C10orf67: variants seen among roughly 807,000 people sequenced by gnomAD.
The protein encoded by C10orf67 is chromosome 10 open reading frame 67.
Under a neutral mutation model 35.6 loss-of-function variants are expected in C10orf67, and 60 were observed. The observed-to-expected ratio is 1.68, with a 90% CI of 1.37 to 2.09. C10orf67 has a LOEUF of 2.09. C10orf67 is among the 30% of genes most tolerant of loss of function. C10orf67 has a pLI of 0.00. For missense variants in C10orf67, 474 were observed against 330.2 expected (o/e 1.44, Z -3.38); for synonymous variants, 167 against 115.8 (o/e 1.44, Z -2.84).
chr10:23,208,738 T>C (rs1841224936), intron 15 of C10orf67, among the ~76,000 whole-genome samples: 1 of 152,198 alleles, frequency 6.6e-6, no homozygotes, highest in Non-Finnish European at 1.5e-5. Flanking sequence ...GCCTTTGCAG[T>C]TCCCTCACAC....
chr10:23,322,271 C>T, intron 3 of C10orf67, 123 bp downstream of exon 3: 1 of 1,002,360 alleles, frequency 1.0e-6, no homozygotes, highest in South Asian at 1.7e-5. Flanking sequence ...TTAATTACCA[C>T]ATGAGACACA....
chr10:23,235,907 G>C (rs1170842338), intron 13 of C10orf67, among the ~76,000 whole-genome samples: 6 of 152,094 alleles, frequency 3.9e-5, no homozygotes, highest in African/African-American at 9.7e-5. Flanking sequence ...ACGAGGTCAG[G>C]AGTTCGAGAC....
chr10:23,329,375 G>A (rs1845340508), intron 2 of C10orf67, among the ~76,000 whole-genome samples: 1 of 152,034 alleles, frequency 6.6e-6, no homozygotes, highest in Non-Finnish European at 1.5e-5. Flanking sequence ...AAGTGACCCA[G>A]AATATTTAAG....
chr10:23,256,608 C>A (rs1473415789), intron 10 of C10orf67, among the ~76,000 whole-genome samples: 1 of 151,586 alleles, frequency 6.6e-6, no homozygotes, highest in African/African-American at 2.4e-5. Flanking sequence ...TTCTGAAGAT[C>A]AAATGTTGGT....
chr10:23,283,835 AC>A (rs1342301028), intron 7 of C10orf67, among the ~76,000 whole-genome samples: 2 of 151,784 alleles, frequency 1.3e-5, no homozygotes, highest in African/African-American at 2.4e-5. Flanking sequence ...TGTGCCGCAC[AC>A]CAAACTCTGC....
chr10:23,209,323 T>G (rs1388356348), intron 15 of C10orf67, among the ~76,000 whole-genome samples: 2 of 151,898 alleles, frequency 1.3e-5, no homozygotes, highest in Non-Finnish European at 2.9e-5. Context: ...CAGGAGAGCC[T>G]GAGAAGGGTG....
At chr10:23,337,260 G>A (rs899380626) in intron 1 of C10orf67, among the ~76,000 whole-genome samples, 3 of 152,220 alleles carry the variant, frequency 2.0e-5, no homozygotes, top group Non-Finnish European at 4.4e-5. Context: ...CAGGCTGGGT[G>A]CAGTGGCTCA....
At chr10:23,233,799 T>C (rs1262059375) in intron 13 of C10orf67, among the ~76,000 whole-genome samples, 1 of 152,218 alleles carries the variant, frequency 6.6e-6, no homozygotes, top group Non-Finnish European at 1.5e-5. Context: ...TGGTTTTTGG[T>C]TTTGATAATT....
chr10:23,260,909 A>C (rs1033361813), intron 10 of C10orf67, among the ~76,000 whole-genome samples: 1 of 152,250 alleles, frequency 6.6e-6, no homozygotes, highest in African/African-American at 2.4e-5. Flanking sequence ...AGACCTTTCA[A>C]ATATTCTTAT....
intron 10 of C10orf67, among the ~76,000 whole-genome samples, chr10:23,252,821 C>CATGT (rs1366184129): frequency 1.3e-5 from 2 of 152,108 alleles, no homozygotes; most frequent in Non-Finnish European, 1.5e-5. Context: ...TAAATGAACA[C>CATGT]ATGTAATAGG....
chr10:23,259,235 T>C (rs1292115297), intron 10 of C10orf67, among the ~76,000 whole-genome samples: 1 of 152,260 alleles, frequency 6.6e-6, no homozygotes, highest in Non-Finnish European at 1.5e-5. Flanking sequence ...TGGGTCATTC[T>C]GTCCTTCGTA....
chr10:23,325,883 T>C (rs1845175983), intron 2 of C10orf67, among the ~76,000 whole-genome samples: 1 of 151,904 alleles, frequency 6.6e-6, no homozygotes, highest in Non-Finnish European at 1.5e-5. Context: ...AGAAAACAAA[T>C]TCCCAAATTG....
At chr10:23,269,957 A>T (rs1842974132) in intron 8 of C10orf67, among the ~76,000 whole-genome samples, 1 of 152,166 alleles carries the variant, frequency 6.6e-6, no homozygotes, top group Non-Finnish European at 1.5e-5. Context: ...AAAAAATTAA[A>T]TACATATAGA....
intron 8 of C10orf67, among the ~76,000 whole-genome samples, chr10:23,275,452 G>C (rs1843160843): frequency 6.6e-6 from 1 of 152,154 alleles, no homozygotes; most frequent in South Asian, 2.1e-4. Flanking sequence ...GCTCAGTACA[G>C]AGGCAACTCT....
chr10:23,252,213 A>T (rs1377028078), intron 10 of C10orf67, among the ~76,000 whole-genome samples: 1 of 152,118 alleles, frequency 6.6e-6, no homozygotes, highest in Non-Finnish European at 1.5e-5. Flanking sequence ...CTTCCAGATT[A>T]TTAAGTCTTA....
chr10:23,259,706 A>C (rs1842696222), intron 10 of C10orf67, among the ~76,000 whole-genome samples: 2 of 152,162 alleles, frequency 1.3e-5, no homozygotes, highest in African/African-American at 4.8e-5. Context: ...TTCATCAGAG[A>C]GGTGGAAAAT....
At chr10:23,287,334 C>A (rs944888789) in intron 7 of C10orf67, among the ~76,000 whole-genome samples, 1 of 152,116 alleles carries the variant, frequency 6.6e-6, no homozygotes, top group Admixed American at 6.5e-5. Flanking sequence ...CATCTACAAC[C>A]ATCTGATCTT....
At chr10:23,277,522 C>A (rs1032416090) in intron 8 of C10orf67, among the ~76,000 whole-genome samples, 13 of 147,202 alleles carry the variant, frequency 8.8e-5, no homozygotes, top group Admixed American at 8.3e-4. Flanking sequence ...CACTGCACTG[C>A]AGTCTGGGTG....
rs149785151 is a variant in C10orf67, at chr10:23,280,485, G to A, written c.975+1528C>T. On this transcript the variant is annotated intron_variant, in intron 8 of 15. Coordinates refer to ENST00000636213, the MANE Select transcript of C10orf67 (RefSeq NM_001371909.1). Reference sequence around the variant, plus strand: ...CTTGCAGGGATAGGGAGAAGGTGGCGAAATAGTGACCTCGATGGGTCCAAA... The same window carrying A: ...CTTGCAGGGATAGGGAGAAGGTGGCAAAATAGTGACCTCGATGGGTCCAAA... Among the ~76,000 whole-genome samples, 301 of 152,240 alleles carry A rather than the reference G, an allele frequency of 2.0e-3. 3 individuals are homozygous for A. The highest frequency in any genetic ancestry group is 5.7e-3 in the African/African-American group (236 of 41,532).
Sources: allele counts gnomAD v4.1 joint callset (sites outside exome capture counted in the v4.1 genomes callset), GRCh38; gene constraint gnomAD v4.1.1; transcripts MANE v1.5; gene names NCBI Gene and HGNC (gene_info 2026-07-23, HGNC 2026-07-21).